Variants in NBEA observed in about 807,000 individuals in gnomAD.
NBEA encodes lysosomal-trafficking regulator 2.
NBEA carries 44 observed loss-of-function variants against 343.4 expected under a neutral mutation model. The ratio of observed to expected loss-of-function variants is 0.13; its 90% CI spans 0.10 to 0.16. The LOEUF (loss-of-function observed/expected upper bound fraction) is 0.16. Among genes scored for constraint, NBEA ranks in the 10% least tolerant of loss-of-function variants. The probability of loss-of-function intolerance (pLI) is 1.00; values close to 1 mark genes in which losing one functional copy is unlikely to be tolerated. For missense variants in NBEA, 2,555 were observed against 3,631.3 expected, an observed-to-expected ratio of 0.70 and a Z score of 7.62; for synonymous variants, 1,175 against 1,238.7, an observed-to-expected ratio of 0.95 and a Z score of 1.08.
At chr13:35,178,992 A>G (rs148249267) in intron 28 of NBEA, among the ~76,000 whole-genome samples, 4 of 151,738 alleles carry the variant, frequency 2.6e-5, no homozygotes, top group Non-Finnish European at 5.9e-5. Context: ...AGGAGTTTCT[A>G]TTAAGGGTGA....
At chr13:35,308,600 GTATATATGTA>G (rs1441053165) in intron 35 of NBEA, among the ~76,000 whole-genome samples, 2 of 131,022 alleles carry the variant, frequency 1.5e-5, no homozygotes, top group African/African-American at 2.9e-5. Context: ...ATGTATATAT[GTATATATGTA>G]TATATATATG....
intron 31 of NBEA, among the ~76,000 whole-genome samples, chr13:35,204,184 AC>A (rs2073216099): frequency 6.6e-6 from 1 of 152,090 alleles, no homozygotes; most frequent in Non-Finnish European, 1.5e-5. Context: ...AGGAGTACAA[AC>A]CCTACTGTGA....
chr13:35,475,887 C>G, intron 41 of NBEA: 2 of 1,614,080 alleles, frequency 1.2e-6, no homozygotes, highest in Non-Finnish European at 8.5e-7. Flanking sequence ...AGTTGAACAC[C>G]CCCATTTGGT....
intron 6 of NBEA, among the ~76,000 whole-genome samples, chr13:35,052,671 T>C (rs1373242284): frequency 6.6e-6 from 1 of 151,882 alleles, no homozygotes; most frequent in South Asian, 2.1e-4. Flanking sequence ...CTTTTTTTTT[T>C]AACCATTGAA....
intron 10 of NBEA, among the ~76,000 whole-genome samples, chr13:35,095,642 G>C (rs539948019): frequency 6.6e-6 from 1 of 151,716 alleles, no homozygotes; most frequent in Non-Finnish European, 1.5e-5. Context: ...AAAAGATACA[G>C]GATTACAAAC....
chr13:35,422,616 C>T (rs2044367997), intron 38 of NBEA, among the ~76,000 whole-genome samples: 1 of 152,178 alleles, frequency 6.6e-6, no homozygotes. Context: ...CATATGTGTG[C>T]ATGTGTCTTT....
At chr13:35,188,791 T>G (rs1388766305) in intron 30 of NBEA, among the ~76,000 whole-genome samples, 1 of 152,130 alleles carries the variant, frequency 6.6e-6, no homozygotes, top group Non-Finnish European at 1.5e-5. Flanking sequence ...TTTTAATTGT[T>G]TGAAGAATCT....
chr13:35,525,668 A>G (rs2077938872), intron 41 of NBEA, among the ~76,000 whole-genome samples: 1 of 152,212 alleles, frequency 6.6e-6, no homozygotes. Flanking sequence ...GATACTTGGT[A>G]TCTTAGTCTT....
At chr13:35,030,001 G>A (rs919029392) in intron 1 of NBEA, among the ~76,000 whole-genome samples, 2 of 151,602 alleles carry the variant, frequency 1.3e-5, no homozygotes, top group South Asian at 4.1e-4. Flanking sequence ...ACCGTTAACT[G>A]TGCAAATAGA....
At chr13:35,533,088 T>G (rs147699161) in intron 41 of NBEA, among the ~76,000 whole-genome samples, 1 of 152,244 alleles carries the variant, frequency 6.6e-6, no homozygotes, top group East Asian at 1.9e-4. Flanking sequence ...CTTGATATGT[T>G]TTATTATTTG....
chr13:35,420,389 TTTC>T (rs1216021469), intron 38 of NBEA, among the ~76,000 whole-genome samples: 2 of 152,086 alleles, frequency 1.3e-5, no homozygotes, highest in Non-Finnish European at 1.5e-5. Context: ...TCATGTGATT[TTTC>T]TTCTTCAGCT....
chr13:35,256,338 G>A (rs540605250), intron 34 of NBEA, among the ~76,000 whole-genome samples: 125 of 152,302 alleles, frequency 8.2e-4, no homozygotes, highest in Non-Finnish European at 1.6e-3. Context: ...AGTCTGGCTG[G>A]TTCTGGGGTC....
intron 55 of NBEA, among the ~76,000 whole-genome samples, chr13:35,664,592 T>C (rs2085259739): frequency 6.6e-6 from 1 of 152,234 alleles, no homozygotes; most frequent in African/African-American, 2.4e-5. Context: ...AGCTGGACTT[T>C]TTAGCTAGGT....
intron 17 of NBEA, among the ~76,000 whole-genome samples, chr13:35,141,524 G>A (rs1028591281): frequency 6.6e-6 from 1 of 152,118 alleles, no homozygotes; most frequent in Non-Finnish European, 1.5e-5. Context: ...CTCAGCCTCT[G>A]AAAGTGCTGG....
chr13:35,035,500 ATCT>A (rs1172677640), intron 1 of NBEA, among the ~76,000 whole-genome samples: 9 of 151,982 alleles, frequency 5.9e-5, no homozygotes, highest in Admixed American at 5.9e-4. Context: ...CCTGGATGAA[ATCT>A]TCTGTAAATA....
intron 27 of NBEA, among the ~76,000 whole-genome samples, chr13:35,175,085 C>T (rs533739122): frequency 5.3e-5 from 8 of 152,182 alleles, no homozygotes; most frequent in South Asian, 4.1e-4. Context: ...CCACCACGCC[C>T]GGCCACTTCA....
intron 1 of NBEA, among the ~76,000 whole-genome samples, chr13:34,948,154 C>T (rs1457922445): frequency 1.3e-5 from 2 of 152,172 alleles, no homozygotes; most frequent in Admixed American, 6.5e-5. Context: ...GCGTACATGT[C>T]ACCTCTTTGT....
At chr13:35,495,644 A>G (rs1030815600) in intron 41 of NBEA, among the ~76,000 whole-genome samples, 20 of 152,126 alleles carry the variant, frequency 1.3e-4, no homozygotes, top group Admixed American at 4.6e-4. Context: ...GAAGACTCAA[A>G]CAACACTATA....
At chr13:35,000,673 C>T (rs998484357) in intron 1 of NBEA, among the ~76,000 whole-genome samples, 1 of 151,274 alleles carries the variant, frequency 6.6e-6, no homozygotes, top group Non-Finnish European at 1.5e-5. Flanking sequence ...ATAGCTGTAT[C>T]CTTTAGGAAA....
Sources: allele counts gnomAD v4.1 joint callset (sites outside exome capture counted in the v4.1 genomes callset), GRCh38; gene constraint gnomAD v4.1.1; transcripts MANE v1.5; gene names NCBI Gene and HGNC (gene_info 2026-07-23, HGNC 2026-07-21).